The following FEM1C variants were observed in gnomAD, a reference collection of about 807,000 sequenced individuals.
FEM1C encodes the protein protein fem-1 homolog C.
FEM1C carries 15 observed loss-of-function variants against 37.6 expected under a neutral mutation model. The observed-to-expected ratio is 0.40, with a 90% CI of 0.27 to 0.61. The LOEUF (loss-of-function observed/expected upper bound fraction) is 0.61. FEM1C is among the 20% of genes least tolerant of loss of function. The probability of loss-of-function intolerance (pLI) is 0.42; values close to 1 mark genes in which losing one functional copy is unlikely to be tolerated. For synonymous variants in FEM1C, 287 were observed against 272.8 expected, an observed-to-expected ratio of 1.05 and a Z score of -0.51; for missense variants, 532 against 749.7, an observed-to-expected ratio of 0.71 and a Z score of 3.39.
chr5:115,534,301 T>C (rs1024674445), intron 2 of FEM1C, among the ~76,000 whole-genome samples: 2 of 152,072 alleles, frequency 1.3e-5, no homozygotes, highest in African/African-American at 2.4e-5. Context: ...AATCTTTTAA[T>C]AGCAGGTGAG....
At chr5:115,540,778 C>A (rs74621288) in intron 2 of FEM1C, among the ~76,000 whole-genome samples, 9,374 of 152,080 alleles carry the variant, frequency 0.062, 330 homozygotes, top group Middle Eastern at 0.13. Context: ...ATAACATAGG[C>A]TTTTAAAACA....
intron 2 of FEM1C, among the ~76,000 whole-genome samples, chr5:115,538,827 T>C (rs1001498480): frequency 6.6e-6 from 1 of 151,814 alleles, no homozygotes; most frequent in African/African-American, 2.4e-5. Context: ...TCCTAAACCT[T>C]CAAAACTGCC....
chr5:115,526,787 G>C (rs959412983), intron 2 of FEM1C, among the ~76,000 whole-genome samples: 9 of 152,082 alleles, frequency 5.9e-5, no homozygotes, highest in Admixed American at 5.2e-4. Flanking sequence ...GAACTTGGCT[G>C]GTAAATAGTT....
chr5:115,521,013 T>A lies in FEM1C; in HGVS notation c.*3295A>T, dbSNP rs3727. On this transcript the variant is annotated 3_prime_UTR_variant, in exon 3 of 3. Transcript: ENST00000274457. The stretch of plus-strand genomic sequence containing the variant: ...TGGCATCCGAATACAGTACTTCTTT[T>A]GAAAAAATACACAATGGGAACTGAC... 2 of 150,402 alleles carry A rather than the reference T, an allele frequency of 1.3e-5. No homozygotes were observed. The highest frequency in any genetic ancestry group is 4.2e-4 in the South Asian group (2 of 4,812). The allele number at this position is 150,402 out of a possible 1,614,324, so 9.3% of individuals were successfully genotyped here.
rs996806297 is a variant in FEM1C, at chr5:115,533,942, TA to T, written c.545-8326del. On this transcript the variant is annotated intron_variant, in intron 2 of 2. Coordinates refer to ENST00000274457, the MANE Select transcript of FEM1C (RefSeq NM_020177.3). ...AAAAAATATTCTGGCACTGAATTCATAAAAAAAAAAAATTTCATGATTTCTC... is the reference window on the plus strand; with the variant it reads ...AAAAAATATTCTGGCACTGAATTCATAAAAAAAAAAATTTCATGATTTCTC... 3.0e-3 allele frequency among the ~76,000 whole-genome samples: 441 copies of T among 146,830 alleles called. 2 individuals are homozygous for T. The highest frequency in any genetic ancestry group is 0.026 in the East Asian group (132 of 5,062).
chr5:115,542,537 T>C (rs187746279), intron 2 of FEM1C, among the ~76,000 whole-genome samples: 12 of 148,272 alleles, frequency 8.1e-5, no homozygotes, highest in Admixed American at 2.0e-4. Context: ...TCAATAAATA[T>C]AGTAATTTCT....
At chr5:115,529,274 CAA>C (rs1432813038) in intron 2 of FEM1C, among the ~76,000 whole-genome samples, 1 of 151,762 alleles carries the variant, frequency 6.6e-6, no homozygotes. Flanking sequence ...AAACTAAGGA[CAA>C]AGAGAAAAAT....
Position 115,524,380 on chromosome 5 carries a change from T to G in FEM1C, c.1782A>C (p.Ile594=). The G allele has an allele frequency of 6.2e-7, 1 of 1,613,558 alleles. No homozygotes were observed. The highest frequency in any genetic ancestry group is 8.5e-7 in the Non-Finnish European group (1 of 1,179,674). ...TTLQCLAARV[I]VNHRIYYKGH... Reference sequence around the variant, plus strand: ...CTTTATAATATATTCTATGATTCACTATGACACGAGCAGCAAGACACTGCA... The same window carrying G: ...CTTTATAATATATTCTATGATTCACGATGACACGAGCAGCAAGACACTGCA... Residue 594 remains isoleucine, a synonymous_variant, in exon 3 of 3, where the codon ATA becomes ATC. Transcript: ENST00000274457.
At chr5:115,532,012 C>G (rs1029544972) in intron 2 of FEM1C, among the ~76,000 whole-genome samples, 2 of 152,044 alleles carry the variant, frequency 1.3e-5, no homozygotes, top group Non-Finnish European at 2.9e-5. Context: ...TCTTGATTTT[C>G]CTATAAAGCA....
At chr5:115,536,013 C>A (rs944324935) in intron 2 of FEM1C, among the ~76,000 whole-genome samples, 9 of 151,994 alleles carry the variant, frequency 5.9e-5, no homozygotes, top group African/African-American at 2.2e-4. Flanking sequence ...CCAGAACAGG[C>A]AAACTTAAGA....
chr5:115,543,704 T>A, intron 1 of FEM1C, 21 bp from the exon 2 acceptor site: 1 of 1,342,974 alleles, frequency 7.4e-7, no homozygotes, highest in Non-Finnish European at 9.5e-7. Context: ...AAAAAAAAAG[T>A]AGCAGCATTT....
At chr5:115,530,497 G>T (rs1250878971) in intron 2 of FEM1C, among the ~76,000 whole-genome samples, 1 of 152,088 alleles carries the variant, frequency 6.6e-6, no homozygotes, top group Non-Finnish European at 1.5e-5. Flanking sequence ...TAAGGATGAA[G>T]ATTTGAACAT....
At chr5:115,528,364 C>T (rs1179751701) in intron 2 of FEM1C, among the ~76,000 whole-genome samples, 1 of 152,132 alleles carries the variant, frequency 6.6e-6, no homozygotes, top group Non-Finnish European at 1.5e-5. Context: ...GAAGAGCTAG[C>T]TGAAACACTG....
In FEM1C at chr5:115,525,096, G is replaced by A. The variant is rs1029353883; in HGVS notation, c.1066C>T (p.Arg356Ter). 6 of 1,613,742 alleles carry A rather than the reference G, an allele frequency of 3.7e-6. No individual in the cohort carries two copies. The Middle Eastern group carries it at 5.0e-4, about 133-fold the overall frequency. The change falls in exon 3 of 3, where the codon CGA becomes TGA. Residue 356 changes from arginine to a stop codon, truncating the protein, a stop_gained. Transcript: ENST00000274457. LOFTEE classifies it high-confidence loss of function. ...AVYADSGNFK[R>*]CINLWKYALD... ...GCATACTTCCATAGGTTGATGCATC[G>A]TTTGAAATTTCCAGAGTCTGCATAG...
intron 2 of FEM1C, among the ~76,000 whole-genome samples, chr5:115,534,413 G>C (rs1377300191): frequency 1.3e-5 from 2 of 151,880 alleles, no homozygotes; most frequent in Non-Finnish European, 2.9e-5. Flanking sequence ...GCTGTATTTT[G>C]AGGAAGAACT....
In FEM1C at chr5:115,525,302, G is replaced by A; in HGVS notation, c.860C>T (p.Pro287Leu). Residue 287 changes from proline (P) to leucine (L), a missense_variant, in exon 3 of 3, where the codon CCA (proline) becomes CTA (leucine). Physicochemically the swap from Pro to Leu is moderately conservative, Grantham distance 98. Coordinates refer to ENST00000274457, the MANE Select transcript of FEM1C (RefSeq NM_020177.3). The part of the protein sequence containing the change: ...YSDRTNIISK[P>L]VPQTLIMAYD... ...AGCCATTATTAGTGTCTGTGGCACTGGTTTACTAATAATATTAGTCCTATC... is the reference window on the plus strand; with the variant it reads ...AGCCATTATTAGTGTCTGTGGCACTAGTTTACTAATAATATTAGTCCTATC... 6.2e-7 allele frequency: 1 copy of A among 1,613,648 alleles called. No individual in the cohort carries two copies. The highest frequency in any genetic ancestry group is 8.5e-7 in the Non-Finnish European group (1 of 1,179,802).
chr5:115,521,652 C>G lies in FEM1C; in HGVS notation c.*2656G>C, dbSNP rs144981737. The G allele has an allele frequency of 4.3e-4, 65 of 151,882 alleles. No individual in the cohort carries two copies. Among genetic ancestry groups the G allele is most frequent in the African/African-American group, 1.5e-3 (63 of 41,498 alleles). 9.4% of individuals were successfully genotyped at this position (151,882 alleles called of 1,614,324 possible). A position where few individuals can be genotyped will look rare whatever the true frequency, so the allele number is the denominator to read the frequency against. ...AATGTTAATAACTTACACATTAACT[C>G]CAGTCAATAACACCGTGCTACAGTG... On this transcript the variant is annotated 3_prime_UTR_variant, in exon 3 of 3. Coordinates refer to ENST00000274457, the MANE Select transcript of FEM1C (RefSeq NM_020177.3).
Position 115,523,956 on chromosome 5 carries a change from T to C in FEM1C, c.*352A>G, listed in dbSNP as rs3776801. 0.086 allele frequency: 16,182 copies of C among 188,780 alleles called. 1,011 individuals are homozygous for C. The highest frequency in any genetic ancestry group is 0.19 in the African/African-American group (7,819 of 42,040). 11.7% of individuals were successfully genotyped at this position (188,780 alleles called of 1,614,324 possible). A position where few individuals can be genotyped will look rare whatever the true frequency, so the allele number is the denominator to read the frequency against. On this transcript the variant is annotated 3_prime_UTR_variant, in exon 3 of 3. Transcript: ENST00000274457. ...AGAAGCAAGAAAAAAAGACTTTCAATTGTATAAAATTCACAAACCAGTAAA... is the reference window on the plus strand; with the variant it reads ...AGAAGCAAGAAAAAAAGACTTTCAACTGTATAAAATTCACAAACCAGTAAA...
At position 115,543,587 on chromosome 5, in the gene FEM1C, G is replaced by C; in HGVS notation, c.-94C>G. 1 of 1,498,832 alleles carries C rather than the reference G, an allele frequency of 6.7e-7. No individual in the cohort carries two copies. The highest frequency in any genetic ancestry group is 8.8e-7 in the Non-Finnish European group (1 of 1,134,786). The allele number at this position is 1,498,832 out of a possible 1,614,324, so 92.8% of individuals were successfully genotyped here. A position where few individuals can be genotyped will look rare whatever the true frequency, so the allele number is the denominator to read the frequency against. On this transcript the variant is annotated 5_prime_UTR_variant, in exon 2 of 3. Transcript: ENST00000274457. ...ACAGGCAAGAGTCACAGGAACCAAA[G>C]TCCAATGTTAATTGCTGCACCCCAG...
Sources: allele counts gnomAD v4.1 joint callset (sites outside exome capture counted in the v4.1 genomes callset), GRCh38; gene constraint gnomAD v4.1.1; transcripts MANE v1.5; gene names NCBI Gene and HGNC (gene_info 2026-07-23, HGNC 2026-07-21).